The following FAT3 variants were observed in gnomAD, a reference collection of about 807,000 sequenced individuals.
FAT3 encodes FAT atypical cadherin 3.
In FAT3, 95 loss-of-function variants were observed where a neutral mutation model predicts 310.2. That is an observed-to-expected ratio of 0.31 (90% CI 0.26 to 0.36). FAT3 has a LOEUF of 0.36. FAT3 is among the 10% of genes least tolerant of loss of function. The pLI is 1.00. For missense variants in FAT3, 5,408 were observed against 5,715.6 expected, an observed-to-expected ratio of 0.95 and a Z score of 1.74; for synonymous variants, 2,314 against 2,192.9, an observed-to-expected ratio of 1.06 and a Z score of -1.54.
chr11:92,543,546 T>C (rs1185734924), intron 3 of FAT3, among the ~76,000 whole-genome samples: 3 of 152,112 alleles, frequency 2.0e-5, no homozygotes, highest in Non-Finnish European at 2.9e-5. Flanking sequence ...TGGCAGCCAA[T>C]CATTGTTTTA....
At chr11:92,329,962 T>A (rs927514717) in intron 1 of FAT3, among the ~76,000 whole-genome samples, 5 of 151,858 alleles carry the variant, frequency 3.3e-5, no homozygotes, top group Admixed American at 3.3e-4. Context: ...TGAATGTTTT[T>A]CACAGTCATT....
chr11:92,798,961 C>T lies in FAT3; in HGVS notation c.5948C>T (p.Thr1983Ile). The T allele has an allele frequency of 1.2e-6, 2 of 1,613,974 alleles. No homozygotes were observed. Among genetic ancestry groups the T allele is most frequent in the Non-Finnish European group, 1.7e-6 (2 of 1,179,862 alleles). Residue 1983 changes from threonine (T) to isoleucine (I), a missense_variant, in exon 10 of 28, where the codon ACA becomes ATA. Physicochemically the swap from Thr to Ile is moderately conservative, Grantham distance 89. Transcript: ENST00000525166. ...KEAMDSGLHF[T>I]QSFYSTSISE... ...GCCATGGACAGCGGCCTCCACTTTA[C>T]ACAAAGCTTCTATTCCACCTCAATC...
chr11:92,783,005 T>C (rs1266619051), intron 7 of FAT3, among the ~76,000 whole-genome samples: 1 of 152,196 alleles, frequency 6.6e-6, no homozygotes, highest in African/African-American at 2.4e-5. Context: ...CCACAGGGCA[T>C]CTCCCTCATC....
intron 3 of FAT3, among the ~76,000 whole-genome samples, chr11:92,539,101 C>T (rs1954357305): frequency 6.6e-6 from 1 of 152,072 alleles, no homozygotes; most frequent in Non-Finnish European, 1.5e-5. Context: ...TTCATCTTGA[C>T]TATGTACATA....
At chr11:92,871,889 C>T (rs372571923) in intron 22 of FAT3, among the ~76,000 whole-genome samples, 16 of 152,138 alleles carry the variant, frequency 1.1e-4, no homozygotes, top group Admixed American at 7.2e-4. Context: ...TGAAGAAATG[C>T]AAGTCAGTGG....
At chr11:92,633,122 G>A (rs1054951755) in intron 3 of FAT3, among the ~76,000 whole-genome samples, 7 of 152,180 alleles carry the variant, frequency 4.6e-5, no homozygotes, top group Admixed American at 6.5e-5. Flanking sequence ...ATAGGTGTGG[G>A]TTGACTGTCA....
chr11:92,793,015 C>T, intron 9 of FAT3, 38 bp downstream of exon 9: 1 of 1,587,982 alleles, frequency 6.3e-7, no homozygotes, highest in South Asian at 1.1e-5. Context: ...CAGCATAATG[C>T]AAGGCATTCG....
chr11:92,392,696 A>G (rs984464991), intron 2 of FAT3, among the ~76,000 whole-genome samples: 7 of 152,184 alleles, frequency 4.6e-5, no homozygotes, highest in Non-Finnish European at 1.0e-4. Flanking sequence ...TTCCTGTTGT[A>G]TCTCCAGGCT....
chr11:92,641,863 C>T (rs1941976734), intron 3 of FAT3, among the ~76,000 whole-genome samples: 1 of 152,170 alleles, frequency 6.6e-6, no homozygotes, highest in African/African-American at 2.4e-5. Context: ...AACTGTAAAA[C>T]TCAAGCAAAC....
chr11:92,369,940 C>A (rs559987195), intron 2 of FAT3, among the ~76,000 whole-genome samples: 3 of 152,228 alleles, frequency 2.0e-5, no homozygotes, highest in South Asian at 2.1e-4. Flanking sequence ...GAAAGAATTG[C>A]ATTTTTTCTT....
Position 92,799,119 on chromosome 11 carries a change from C to G in FAT3, c.6106C>G (p.Gln2036Glu), listed in dbSNP as rs1430155733. 6.2e-7 allele frequency: 1 copy of G among 1,613,956 alleles called. No individual in the cohort carries two copies. Among genetic ancestry groups the G allele is most frequent in the Admixed American group, 1.7e-5 (1 of 60,022 alleles). The change falls in exon 10 of 28, where the codon CAG becomes GAG. Residue 2036 changes from glutamine to glutamate, a missense_variant. Around this residue, in one of 5 missense-constraint regions of FAT3, gnomAD observed 4,588 missense variants for 4,809.8 expected, o/e 0.95. Coordinates refer to ENST00000525166, the MANE Select transcript of FAT3 (RefSeq NM_001367949.2). Reference sequence around the variant, plus strand: ...GATAAAATCTACCTCAGGGGTCATTCAGACGACTGGAGTCCCCTTTGACCG... The same window carrying G: ...GATAAAATCTACCTCAGGGGTCATTGAGACGACTGGAGTCCCCTTTGACCG... ...FKIKSTSGVI[Q>E]TTGVPFDREE...
At chr11:92,644,228 C>A (rs1205958395) in intron 3 of FAT3, among the ~76,000 whole-genome samples, 1 of 152,212 alleles carries the variant, frequency 6.6e-6, no homozygotes, top group Admixed American at 6.5e-5. Context: ...CTCCCTAGTG[C>A]CAAGTACCCT....
intron 2 of FAT3, among the ~76,000 whole-genome samples, chr11:92,480,782 G>C (rs1023692028): frequency 2.6e-5 from 4 of 152,156 alleles, no homozygotes; most frequent in African/African-American, 9.7e-5. Flanking sequence ...TTTGGCTTTA[G>C]TGGAATACTT....
At chr11:92,489,351 C>T (rs978102023) in intron 2 of FAT3, among the ~76,000 whole-genome samples, 2 of 152,064 alleles carry the variant, frequency 1.3e-5, no homozygotes, top group South Asian at 2.1e-4. Flanking sequence ...GGCCTATTCC[C>T]GATCATTATG....
intron 2 of FAT3, among the ~76,000 whole-genome samples, chr11:92,486,129 G>GTTTTTTTTTTTTTTTTTTTTTTTTTTTTT (rs1565353395): frequency 3.6e-5 from 1 of 27,670 alleles, no homozygotes; most frequent in African/African-American, 8.5e-5. Flanking sequence ...AGGCTGCTGG[G>GTTTTTTTTTTTTTTTTTTTTTTTTTTTTT]GTTTTTTTTT....
At chr11:92,472,976 C>T (rs748594535) in intron 2 of FAT3, among the ~76,000 whole-genome samples, 3 of 152,196 alleles carry the variant, frequency 2.0e-5, no homozygotes, top group South Asian at 2.1e-4. Context: ...TGTTCCTCCA[C>T]ATTTTTGGAA....
chr11:92,896,259 C>A lies in FAT3; in HGVS notation c.*5146C>A, dbSNP rs1950030104. The stretch of plus-strand genomic sequence containing the variant: ...TTGTCCCTTAAGGAAATGGATTGTT[C>A]CTGCATATATTGCTGGTGGCAGTAT... On this transcript the variant is annotated 3_prime_UTR_variant, in exon 28 of 28. Coordinates refer to ENST00000525166, the MANE Select transcript of FAT3 (RefSeq NM_001367949.2). The A allele has an allele frequency of 1.3e-5, 2 of 150,766 alleles. No homozygotes were observed. Among genetic ancestry groups the A allele is most frequent in the Non-Finnish European group, 2.9e-5 (2 of 67,824 alleles). The allele number at this position is 150,766 out of a possible 1,614,324, so 9.3% of individuals were successfully genotyped here. A position where few individuals can be genotyped will look rare whatever the true frequency, so the allele number is the denominator to read the frequency against.
rs115012156 is a variant in FAT3, at chr11:92,389,148, A to T, written c.3292+33744A>T. On this transcript the variant is annotated intron_variant, in intron 2 of 27. Transcript: ENST00000525166. The stretch of plus-strand genomic sequence containing the variant: ...ATGTTATTATTAGCACCATTTTTAA[A>T]GGTAAGAAAACTAACACACAGAGCA... 2.8e-3 allele frequency among the ~76,000 whole-genome samples: 432 copies of T among 152,276 alleles called. 1 individual carries two copies. The highest frequency in any genetic ancestry group is 9.7e-3 in the African/African-American group (404 of 41,556).
At chr11:92,734,624 G>C (rs1185657317) in intron 4 of FAT3, among the ~76,000 whole-genome samples, 1 of 152,038 alleles carries the variant, frequency 6.6e-6, no homozygotes, top group Non-Finnish European at 1.5e-5. Flanking sequence ...GCTCTTATTT[G>C]CTTGGAACAC....
Sources: gnomAD v4.1 joint callset for allele counts (sites outside exome capture counted in the v4.1 genomes callset) on GRCh38, gnomAD v4.1.1 for gene constraint, gnomAD v4.1.1 regional missense constraint, MANE v1.5 for transcripts, NCBI Gene and HGNC (gene_info 2026-07-23, HGNC 2026-07-21) for gene names.